The following MYO5B variants were observed in gnomAD, a reference collection of about 807,000 sequenced individuals.
The protein encoded by MYO5B is myosin VB.
Under a neutral mutation model 229.3 loss-of-function variants are expected in MYO5B, and 143 were observed. The ratio of observed to expected loss-of-function variants is 0.62; its 90% CI spans 0.54 to 0.72. The LOEUF is 0.72. Among genes scored for constraint, MYO5B ranks in the 30% least tolerant of loss-of-function variants. The pLI is 0.00. For missense variants in MYO5B, 2,321 were observed against 2,331.0 expected (o/e 1.00, Z 0.09); for synonymous variants, 918 against 885.2 (o/e 1.04, Z -0.66).
At chr18:49,983,817 A>G (rs1022903731) in intron 8 of MYO5B, among the ~76,000 whole-genome samples, 3 of 152,170 alleles carry the variant, frequency 2.0e-5, no homozygotes, top group Admixed American at 6.5e-5. Flanking sequence ...AGCGTGGCAA[A>G]TAAGGGTCTG....
chr18:49,906,527 A>C lies in MYO5B; in HGVS notation c.2306T>G (p.Ile769Ser), dbSNP rs770764473. Reference protein sequence around the residue: ...LRADKFRTATIMIQKTVRGWL... With the variant: ...LRADKFRTATSMIQKTVRGWL... ...TCCCCGGACAGTTTTCTGGATCATG[A>C]TGGTGGCTGTCCGGAACTTGTCAGC... Residue 769 changes from isoleucine to serine, a missense_variant, in exon 19 of 40, where the codon ATC becomes AGC. By Grantham distance (142) the Ile-to-Ser change is moderately radical. Transcript: ENST00000285039. The C allele has an allele frequency of 6.2e-7, 1 of 1,614,076 alleles. No homozygotes were observed. The highest frequency in any genetic ancestry group is 8.5e-7 in the Non-Finnish European group (1 of 1,180,046).
chr18:50,129,504 G>A (rs907949530), intron 1 of MYO5B, among the ~76,000 whole-genome samples: 2 of 152,172 alleles, frequency 1.3e-5, no homozygotes, highest in East Asian at 1.9e-4. Flanking sequence ...AATGATCCAC[G>A]AGCTAATACC....
intron 1 of MYO5B, among the ~76,000 whole-genome samples, chr18:50,065,532 T>G (rs774546675): frequency 6.6e-6 from 1 of 152,068 alleles, no homozygotes. Flanking sequence ...TCAGATCTCA[T>G]GATAACTCAC....
At chr18:50,129,320 C>A (rs185890546) in intron 1 of MYO5B, among the ~76,000 whole-genome samples, 1 of 152,352 alleles carries the variant, frequency 6.6e-6, no homozygotes, top group Non-Finnish European at 1.5e-5. Flanking sequence ...ATCCCTTTCT[C>A]CTCAAGGGAA....
intron 31 of MYO5B, among the ~76,000 whole-genome samples, chr18:49,851,338 C>A (rs1476791385): frequency 6.6e-6 from 1 of 152,138 alleles, no homozygotes; most frequent in Non-Finnish European, 1.5e-5. Context: ...TAACCCCCAA[C>A]CCCCTACAAA....
intron 35 of MYO5B, 180 bp from the exon 36 acceptor site, chr18:49,839,474 G>A (rs555438149): frequency 1.3e-4 from 84 of 671,672 alleles, no homozygotes; most frequent in South Asian, 1.2e-3. Flanking sequence ...GATGACCCTT[G>A]AACTTGAAGG....
intron 1 of MYO5B, among the ~76,000 whole-genome samples, chr18:50,075,168 G>A (rs146959874): frequency 1.2e-4 from 18 of 152,276 alleles, no homozygotes; most frequent in African/African-American, 4.3e-4. Flanking sequence ...CACCATTTGA[G>A]CTAGAACAGA....
intron 1 of MYO5B, among the ~76,000 whole-genome samples, chr18:50,085,654 T>A (rs1442201569): frequency 6.6e-6 from 1 of 152,160 alleles, no homozygotes; most frequent in Admixed American, 6.6e-5. Context: ...AGCAAAGACT[T>A]GGAACCAACC....
intron 1 of MYO5B, among the ~76,000 whole-genome samples, chr18:50,057,737 C>T (rs997615470): frequency 2.6e-5 from 4 of 152,202 alleles, no homozygotes; most frequent in African/African-American, 9.6e-5. Context: ...CCTATCACAA[C>T]ATAAGGGGCA....
chr18:50,172,262 T>C (rs570320475), intron 1 of MYO5B, among the ~76,000 whole-genome samples: 4 of 123,608 alleles, frequency 3.2e-5, no homozygotes, highest in East Asian at 2.3e-4. Context: ...GCCTAGGTGA[T>C]AGAGTGAGAC....
intron 21 of MYO5B, 143 bp from the exon 22 acceptor site, chr18:49,895,317 G>T: frequency 1.4e-6 from 1 of 726,146 alleles, no homozygotes; most frequent in Non-Finnish European, 2.4e-6. Flanking sequence ...ATGCTCAAGT[G>T]CTTGCCTGGC....
At chr18:49,934,501 G>A (rs2025228296) in intron 16 of MYO5B, among the ~76,000 whole-genome samples, 1 of 152,204 alleles carries the variant, frequency 6.6e-6, no homozygotes, top group Non-Finnish European at 1.5e-5. Context: ...CCACAGCAGG[G>A]ACACGCTCTG....
chr18:49,872,232 C>T lies in MYO5B; in HGVS notation c.3538G>A (p.Ala1180Thr). 6.2e-7 allele frequency: 1 copy of T among 1,614,056 alleles called. No individual in the cohort carries two copies. Among genetic ancestry groups the T allele is most frequent in the Non-Finnish European group, 8.5e-7 (1 of 1,179,940 alleles). ...TCTATGTCAGTCTGTGGTGGTTCCG[C>T]CTGCATGGATAGAGACACAAAGATA... ...REQQDSKKVQ[A>T]EPPQTDIDLD... The change falls in exon 27 of 40, where the codon GCG (alanine) becomes ACG (threonine). Residue 1180 changes from alanine to threonine, a missense_variant and splice_region_variant. Ala to Thr is a moderately conservative substitution (Grantham distance 58). Transcript: ENST00000285039.
intron 1 of MYO5B, among the ~76,000 whole-genome samples, chr18:50,068,591 G>A (rs1032873456): frequency 2.6e-5 from 4 of 152,314 alleles, no homozygotes; most frequent in African/African-American, 7.2e-5. Context: ...AAGGAAGCAC[G>A]CTGGTTCTGG....
intron 17 of MYO5B, among the ~76,000 whole-genome samples, chr18:49,920,124 A>G (rs921627269): frequency 6.6e-6 from 1 of 152,236 alleles, no homozygotes; most frequent in African/African-American, 2.4e-5. Flanking sequence ...CTATAGAAAT[A>G]GAAAGTAGGT....
rs569962751 is a variant in MYO5B at position 49,975,485 on chromosome 18, G to T, written c.1057-870C>A. On this transcript the variant is annotated intron_variant, in intron 9 of 39. Transcript: ENST00000285039. ...TGCATTGTCCTATGCTTCCAAGCAGGCTCGCTTTCTTCTTAGCCTCATTGA... is the reference window on the plus strand; with the variant it reads ...TGCATTGTCCTATGCTTCCAAGCAGTCTCGCTTTCTTCTTAGCCTCATTGA... 7.9e-4 allele frequency among the ~76,000 whole-genome samples: 120 copies of T among 152,268 alleles called. 2 individuals are homozygous for T. The South Asian group carries it at 0.019, about 24-fold the overall frequency.
At chr18:50,095,216 G>A (rs1036903594) in intron 1 of MYO5B, among the ~76,000 whole-genome samples, 2 of 152,190 alleles carry the variant, frequency 1.3e-5, no homozygotes, top group Non-Finnish European at 2.9e-5. Context: ...AGAAAAATGT[G>A]TTTCCACTGA....
At chr18:49,846,470 T>C (rs780563859) in intron 33 of MYO5B, among the ~76,000 whole-genome samples, 13 of 152,084 alleles carry the variant, frequency 8.5e-5, no homozygotes, top group Admixed American at 7.9e-4. Context: ...ACAAGAACAC[T>C]GGTGAGTAGC....
Position 49,984,751 on chromosome 18 carries a change from A to G in MYO5B, c.913T>C (p.Phe305Leu). Residue 305 changes from phenylalanine to leucine, a missense_variant, in exon 8 of 40, where the codon TTT becomes CTT. Coordinates refer to ENST00000285039, the MANE Select transcript of MYO5B (RefSeq NM_001080467.3). ...GTGAAGGCTTGTCGAGTCTTCTCAA[A>G]GTCCTCAGCATCGTCCACACCCTCG... The part of the protein sequence containing the change: ...SIEGVDDAED[F>L]EKTRQAFTLL... The G allele has an allele frequency of 6.2e-7, 1 of 1,613,854 alleles. No individual in the cohort carries two copies.
Sources: allele counts gnomAD v4.1 joint callset (sites outside exome capture counted in the v4.1 genomes callset), GRCh38; gene constraint gnomAD v4.1.1; transcripts MANE v1.5; gene names NCBI Gene and HGNC (gene_info 2026-07-23, HGNC 2026-07-21).